PRUNE2: variants seen among roughly 807,000 people sequenced by gnomAD.
PRUNE2 encodes the protein protein prune homolog 2.
Under a neutral mutation model 252.0 loss-of-function variants are expected in PRUNE2, and 164 were observed. That is an observed-to-expected ratio of 0.65 (90% confidence interval 0.57 to 0.74). The LOEUF is 0.74. Ranked by LOEUF, PRUNE2 falls within the 30% of genes least tolerant of loss-of-function variation. The probability of loss-of-function intolerance (pLI) is 0.00; values close to 1 mark genes in which losing one functional copy is unlikely to be tolerated. For missense variants in PRUNE2, 3,495 were observed against 3,711.0 expected (o/e 0.94, Z 1.51); for synonymous variants, 1,292 against 1,350.2 (o/e 0.96, Z 0.94).
intron 6 of PRUNE2, among the ~76,000 whole-genome samples, chr9:76,821,151 G>A (rs985249342): frequency 4.6e-5 from 7 of 152,132 alleles, no homozygotes; most frequent in Non-Finnish European, 7.4e-5. Flanking sequence ...TCAGAGGGTG[G>A]TAATAAAAAA....
rs768583634 is a variant in PRUNE2 at position 76,826,605 on chromosome 9, T to C, written c.636A>G (p.Leu212=). The change falls in exon 5 of 19, where the codon CTA becomes CTG. Residue 212 remains leucine (L), a synonymous_variant. Coordinates refer to ENST00000376718, the MANE Select transcript of PRUNE2 (RefSeq NM_015225.3). The part of the protein sequence containing the change: ...LPPREDIINV[L]QETQFSAQGL... Reference sequence around the variant, plus strand: ...CCTGAGCACTGAACTGGGTCTCCTGTAGGACGTTGATGATGTCCTCTCTTG... The same window carrying C: ...CCTGAGCACTGAACTGGGTCTCCTGCAGGACGTTGATGATGTCCTCTCTTG... 1.9e-6 allele frequency: 3 copies of C among 1,609,852 alleles called. No individual in the cohort carries two copies. Among genetic ancestry groups the C allele is most frequent in the Non-Finnish European group, 2.5e-6 (3 of 1,177,602 alleles).
At chr9:76,751,306 T>C (rs1450692976) in intron 6 of PRUNE2, among the ~76,000 whole-genome samples, 4 of 150,836 alleles carry the variant, frequency 2.7e-5, no homozygotes, top group Non-Finnish European at 5.9e-5. Context: ...CTTAGTAGGG[T>C]CAATAACATT....
In PRUNE2 at chr9:76,745,376, C is replaced by T. The variant is rs187928544; in HGVS notation, c.757-31655G>A. On this transcript the variant is annotated intron_variant, in intron 6 of 18. Transcript: ENST00000376718. Reference sequence around the variant, plus strand: ...AACCCTCATGCCAGAGATCACAAGACGTACAACTTCCCCCATCAATCCTAC... The same window carrying T: ...AACCCTCATGCCAGAGATCACAAGATGTACAACTTCCCCCATCAATCCTAC... Among the ~76,000 whole-genome samples, 28 of 152,286 alleles carry T rather than the reference C, an allele frequency of 1.8e-4. No homozygotes were observed. The East Asian group carries it at 4.1e-3, about 22-fold the overall frequency.
At chr9:76,808,225 T>C (rs888395771) in intron 6 of PRUNE2, among the ~76,000 whole-genome samples, 1 of 152,212 alleles carries the variant, frequency 6.6e-6, no homozygotes, top group African/African-American at 2.4e-5. Context: ...TTGCTTTGCT[T>C]TGTTTTAAAT....
chr9:76,883,755 A>G (rs1043201760), intron 1 of PRUNE2, among the ~76,000 whole-genome samples: 1 of 152,154 alleles, frequency 6.6e-6, no homozygotes. Context: ...GAGATTTGCA[A>G]ACTGACAAAA....
At chr9:76,810,684 T>C (rs1423252808) in intron 6 of PRUNE2, among the ~76,000 whole-genome samples, 1 of 152,228 alleles carries the variant, frequency 6.6e-6, no homozygotes, top group African/African-American at 2.4e-5. Context: ...TTTGTTTGAC[T>C]CTCCTTATTT....
chr9:76,800,929 T>G (rs1004231219), intron 6 of PRUNE2, among the ~76,000 whole-genome samples: 2 of 152,230 alleles, frequency 1.3e-5, no homozygotes, highest in South Asian at 2.1e-4. Context: ...ATAAACATCT[T>G]CAGTAAAGCA....
rs1478608818 is a variant in PRUNE2 at position 76,613,642 on chromosome 9, A to G, written c.*928T>C. 6.6e-6 allele frequency: 1 copy of G among 152,252 alleles called. No individual in the cohort carries two copies. Among genetic ancestry groups the G allele is most frequent in the Non-Finnish European group, 1.5e-5 (1 of 68,052 alleles). The allele number at this position is 152,252 out of a possible 1,614,324, so 9.4% of individuals were successfully genotyped here. A position where few individuals can be genotyped will look rare whatever the true frequency, so the allele number is the denominator to read the frequency against. ...AGACTATAAAGGAAATATTTTGTAC[A>G]TGAAAGTAATACTCATATTTAATTT... On this transcript the variant is annotated 3_prime_UTR_variant, in exon 19 of 19. Transcript: ENST00000376718.
intron 6 of PRUNE2, chr9:76,736,779 C>T (rs572963926): frequency 2.0e-5 from 3 of 152,324 alleles, no homozygotes; most frequent in South Asian, 2.1e-4. Context: ...ACATTCAGAC[C>T]GGCGAGTAGG....
At chr9:76,756,095 G>C (rs2051123049) in intron 6 of PRUNE2, among the ~76,000 whole-genome samples, 1 of 152,152 alleles carries the variant, frequency 6.6e-6, no homozygotes, top group African/African-American at 2.4e-5. Context: ...TGGCTACTAA[G>C]AAAGTGAAAG....
chr9:76,691,886 C>T (rs766339418), intron 9 of PRUNE2: 10 of 584,014 alleles, frequency 1.7e-5, no homozygotes, highest in South Asian at 1.5e-4. Flanking sequence ...TGAGTGGATA[C>T]GGAATAAAAT....
At position 76,652,493 on chromosome 9, in the gene PRUNE2, G is replaced by A. The variant is rs774769496; in HGVS notation, c.8547C>T (p.Tyr2849=). The A allele has an allele frequency of 1.8e-5, 29 of 1,611,874 alleles. No homozygotes were observed. The highest frequency in any genetic ancestry group is 3.3e-5 in the South Asian group (3 of 90,920). The change falls in exon 11 of 19, where the codon TAC becomes TAT. Residue 2849 remains tyrosine, a synonymous_variant. Coordinates refer to ENST00000376718, the MANE Select transcript of PRUNE2 (RefSeq NM_015225.3). The part of the protein sequence containing the change: ...DTPDEADSFE[Y]TGHDPTANKD... The stretch of plus-strand genomic sequence containing the variant: ...AACTTAGTGACTTACCATGGCCAGT[G>A]TACTCAAAAGAATCTGCTTCATCGG...
intron 9 of PRUNE2, among the ~76,000 whole-genome samples, chr9:76,663,841 G>C (rs926658064): frequency 1.3e-5 from 2 of 152,184 alleles, no homozygotes; most frequent in Non-Finnish European, 2.9e-5. Flanking sequence ...TCTATGAATA[G>C]ATTTGTTTGT....
intron 9 of PRUNE2, among the ~76,000 whole-genome samples, chr9:76,670,926 A>G (rs1263236543): frequency 1.3e-5 from 2 of 152,126 alleles, no homozygotes; most frequent in Admixed American, 1.3e-4. Context: ...AAAGACCAAA[A>G]GTAGATAAAA....
chr9:76,771,437 AAG>A (rs1433988696), intron 6 of PRUNE2, among the ~76,000 whole-genome samples: 1 of 152,204 alleles, frequency 6.6e-6, no homozygotes, highest in Non-Finnish European at 1.5e-5. Flanking sequence ...TTCTAGAAGA[AAG>A]AGCTATGAAG....
intron 1 of PRUNE2, among the ~76,000 whole-genome samples, 177 bp from the exon 2 acceptor site, chr9:76,854,385 C>G (rs371045343): frequency 6.6e-6 from 1 of 152,178 alleles, no homozygotes; most frequent in Non-Finnish European, 1.5e-5. Flanking sequence ...GTTTAACACT[C>G]TGAAATATTC....
intron 12 of PRUNE2, among the ~76,000 whole-genome samples, chr9:76,640,261 G>C (rs934327193): frequency 2.6e-5 from 4 of 152,184 alleles, no homozygotes; most frequent in Admixed American, 1.3e-4. Flanking sequence ...GCTGTGTATA[G>C]ATTTGGATGG....
chr9:76,654,566 T>A (rs891612802), intron 10 of PRUNE2, among the ~76,000 whole-genome samples: 7 of 152,184 alleles, frequency 4.6e-5, no homozygotes, highest in African/African-American at 1.4e-4. Flanking sequence ...AAGAGCATTT[T>A]AAAAAATTGT....
intron 15 of PRUNE2, among the ~76,000 whole-genome samples, chr9:76,631,955 T>C (rs1837830473): frequency 6.6e-6 from 1 of 152,224 alleles, no homozygotes; most frequent in African/African-American, 2.4e-5. Flanking sequence ...GCTCCATCCA[T>C]GTTGTTGCAA....
Sources: allele counts gnomAD v4.1 joint callset (sites outside exome capture counted in the v4.1 genomes callset), GRCh38; gene constraint gnomAD v4.1.1; transcripts MANE v1.5; gene names NCBI Gene and HGNC (gene_info 2026-07-23, HGNC 2026-07-21).